TMEM192: variants seen among roughly 807,000 people sequenced by gnomAD.
TMEM192 encodes the protein transmembrane protein 192.
In TMEM192, 20 loss-of-function variants were observed where a neutral mutation model predicts 26.7. That is an observed-to-expected ratio of 0.75 (90% CI 0.53 to 1.09). The LOEUF (loss-of-function observed/expected upper bound fraction) is 1.09, where lower values mean the gene tolerates loss of function less well. Among genes scored for constraint, TMEM192 ranks in the 50% least tolerant of loss-of-function variants. The pLI is 0.00. For missense variants in TMEM192, 304 were observed against 322.6 expected (o/e 0.94, Z 0.44); for synonymous variants, 124 against 121.0 (o/e 1.02, Z -0.16).
Position 165,070,610 on chromosome 4 carries a change from G to T in TMEM192, c.*9048C>A, listed in dbSNP as rs1734257447. The stretch of plus-strand genomic sequence containing the variant: ...TAAATAGCAGTGATTATAAAAACTA[G>T]CAGTCTTATCTCTTTTATTTCTGAT... On this transcript the variant is annotated 3_prime_UTR_variant, in exon 6 of 6. Transcript: ENST00000306480. The T allele has an allele frequency of 6.6e-6, 1 of 152,090 alleles. No individual in the cohort carries two copies. 9.4% of individuals were successfully genotyped at this position (152,090 alleles called of 1,614,324 possible).
rs186180655 is a variant in TMEM192 at position 165,074,708 on chromosome 4, G to C, written c.*4950C>G. 1.0e-3 allele frequency: 159 copies of C among 152,164 alleles called. No homozygotes were observed. The highest frequency in any genetic ancestry group is 3.6e-3 in the African/African-American group (149 of 41,476). 9.4% of individuals were successfully genotyped at this position (152,164 alleles called of 1,614,324 possible). A position where few individuals can be genotyped will look rare whatever the true frequency, so the allele number is the denominator to read the frequency against. On this transcript the variant is annotated 3_prime_UTR_variant, in exon 6 of 6. Coordinates refer to ENST00000306480, the MANE Select transcript of TMEM192 (RefSeq NM_001100389.2). Reference sequence around the variant, plus strand: ...TCCGCCTGCCTCGGCCTCCCAAAGTGCTGGAATTACCGGTGTGAGCCACTG... The same window carrying C: ...TCCGCCTGCCTCGGCCTCCCAAAGTCCTGGAATTACCGGTGTGAGCCACTG...
intron 2 of TMEM192, 102 bp from the exon 3 acceptor site, chr4:165,100,994 T>C: frequency 9.5e-7 from 1 of 1,049,706 alleles, no homozygotes; most frequent in Non-Finnish European, 1.3e-6. Flanking sequence ...TTTTTTTTTC[T>C]GAGACAGAGT....
At chr4:165,105,449 A>G (rs960417206) in intron 1 of TMEM192, among the ~76,000 whole-genome samples, 11 of 152,132 alleles carry the variant, frequency 7.2e-5, no homozygotes, top group African/African-American at 2.7e-4. Flanking sequence ...ACCGCTTTCT[A>G]GCTGAGAGCA....
At chr4:165,080,533 T>G (rs1734496620) in intron 5 of TMEM192, among the ~76,000 whole-genome samples, 1 of 152,144 alleles carries the variant, frequency 6.6e-6, no homozygotes, top group Non-Finnish European at 1.5e-5. Context: ...TTGGATGTGT[T>G]TTACTCAGAT....
intron 4 of TMEM192, among the ~76,000 whole-genome samples, chr4:165,087,231 C>A (rs1734641686): frequency 6.6e-6 from 1 of 152,038 alleles, no homozygotes; most frequent in African/African-American, 2.4e-5. Flanking sequence ...TAAGTATAAA[C>A]AAGATCATGT....
chr4:165,110,846 G>A (rs930822148), intron 1 of TMEM192, among the ~76,000 whole-genome samples: 1 of 152,144 alleles, frequency 6.6e-6, no homozygotes. Flanking sequence ...ATAGCCTTTC[G>A]AATACATCCT....
At chr4:165,100,575 C>G in intron 3 of TMEM192, 53 bp downstream of exon 3, 1 of 1,555,550 alleles carries the variant, frequency 6.4e-7, no homozygotes, top group Non-Finnish European at 8.7e-7. Context: ...ATTCTTTCTG[C>G]TGTCATTTTT....
At chr4:165,107,670 C>T (rs941121545) in intron 1 of TMEM192, among the ~76,000 whole-genome samples, 4 of 152,130 alleles carry the variant, frequency 2.6e-5, no homozygotes, top group Non-Finnish European at 4.4e-5. Context: ...CCATTTCCCT[C>T]CCTCCTGGTG....
rs1579198079 is a variant in TMEM192, at chr4:165,074,279, A to G, written c.*5379T>C. ...GGTGAGACTGGATAGAGAGGAAGGG[A>G]GAAGAATTAGAGATAGGCTTCCCTG... On this transcript the variant is annotated 3_prime_UTR_variant, in exon 6 of 6. Transcript: ENST00000306480. The G allele has an allele frequency of 6.6e-6, 1 of 152,164 alleles. No individual in the cohort carries two copies. Among genetic ancestry groups the G allele is most frequent in the African/African-American group, 2.4e-5 (1 of 41,428 alleles). The allele number at this position is 152,164 out of a possible 1,614,324, so 9.4% of individuals were successfully genotyped here.
chr4:165,107,982 G>C (rs576497956), intron 1 of TMEM192, among the ~76,000 whole-genome samples: 2 of 152,068 alleles, frequency 1.3e-5, no homozygotes, highest in Admixed American at 6.6e-5. Context: ...CCTATGTCAT[G>C]TCTGAATCAG....
At position 165,071,732 on chromosome 4, in the gene TMEM192, C is replaced by T. The variant is rs1734275522; in HGVS notation, c.*7926G>A. 1 of 151,786 alleles carries T rather than the reference C, an allele frequency of 6.6e-6. No homozygotes were observed. The highest frequency in any genetic ancestry group is 1.9e-4 in the East Asian group (1 of 5,190). 9.4% of individuals were successfully genotyped at this position (151,786 alleles called of 1,614,324 possible). A position where few individuals can be genotyped will look rare whatever the true frequency, so the allele number is the denominator to read the frequency against. On this transcript the variant is annotated 3_prime_UTR_variant, in exon 6 of 6. Coordinates refer to ENST00000306480, the MANE Select transcript of TMEM192 (RefSeq NM_001100389.2). ...GCCACAGTGTGACCGACGCAGGGTA[C>T]ACAAAGGAAGAGTAGGAGAGAGGAG... is the stretch of plus-strand genomic sequence containing the variant.
At chr4:165,094,578 A>G (rs557503399) in intron 3 of TMEM192, among the ~76,000 whole-genome samples, 17 of 150,996 alleles carry the variant, frequency 1.1e-4, no homozygotes, top group Admixed American at 5.3e-4. Flanking sequence ...AATCGCTTGA[A>G]CCCGGGAGGC....
At position 165,089,669 on chromosome 4, in the gene TMEM192, T is replaced by A. The variant is rs530819821; in HGVS notation, c.440-1067A>T. Reference sequence around the variant, plus strand: ...TATGGCCTGCTTTGGGAGAGAGGAGTCTAGTTTCTATGGCCTGCCTTTGGG... The same window carrying A: ...TATGGCCTGCTTTGGGAGAGAGGAGACTAGTTTCTATGGCCTGCCTTTGGG... On this transcript the variant is annotated intron_variant, in intron 3 of 5. Transcript: ENST00000306480. Among the ~76,000 whole-genome samples the A allele has an allele frequency of 4.6e-5, 7 of 151,576 alleles. No homozygotes were observed. The South Asian group carries it at 1.2e-3, about 27-fold the overall frequency.
chr4:165,112,755 T>C lies in TMEM192; in HGVS notation c.19A>G (p.Met7Val). ...CGCCTCCGTGCACTCACGTCCTCCATCCTGCCCCCCGCCGCCATTTCCCGA... is the reference window on the plus strand; with the variant it reads ...CGCCTCCGTGCACTCACGTCCTCCACCCTGCCCCCCGCCGCCATTTCCCGA... MAAGGR[M>V]EDGSLDITQS... The change falls in exon 1 of 6, where the codon ATG becomes GTG. Residue 7 changes from methionine (M) to valine (V), a missense_variant. Transcript: ENST00000306480. 6.2e-7 allele frequency: 1 copy of C among 1,608,406 alleles called. No individual in the cohort carries two copies. Among genetic ancestry groups the C allele is most frequent in the South Asian group, 1.1e-5 (1 of 90,972 alleles).
At chr4:165,092,049 C>T (rs1734777545) in intron 3 of TMEM192, among the ~76,000 whole-genome samples, 1 of 151,772 alleles carries the variant, frequency 6.6e-6, no homozygotes, top group Non-Finnish European at 1.5e-5. Context: ...TCTTCCATGT[C>T]CCCATCTAAA....
Position 165,077,298 on chromosome 4 carries a change from A to G in TMEM192, c.*2360T>C, listed in dbSNP as rs996493579. 1 of 152,242 alleles carries G rather than the reference A, an allele frequency of 6.6e-6. No individual in the cohort carries two copies. Among genetic ancestry groups the G allele is most frequent in the African/African-American group, 2.4e-5 (1 of 41,464 alleles). The allele number at this position is 152,242 out of a possible 1,614,324, so 9.4% of individuals were successfully genotyped here. A position where few individuals can be genotyped will look rare whatever the true frequency, so the allele number is the denominator to read the frequency against. On this transcript the variant is annotated 3_prime_UTR_variant, in exon 6 of 6. Transcript: ENST00000306480. The stretch of plus-strand genomic sequence containing the variant: ...AATCTCAGATACTGACTATAGATCC[A>G]AATTAAATTTTAAAAATAAATAAGA...
chr4:165,104,327 T>A (rs769328795), intron 1 of TMEM192, among the ~76,000 whole-genome samples: 38 of 152,124 alleles, frequency 2.5e-4, no homozygotes, highest in Non-Finnish European at 4.7e-4. Flanking sequence ...AATGAAGGAT[T>A]CATGAATAGG....
intron 3 of TMEM192, among the ~76,000 whole-genome samples, chr4:165,091,790 C>T (rs911266023): frequency 6.6e-6 from 1 of 152,132 alleles, no homozygotes; most frequent in Non-Finnish European, 1.5e-5. Context: ...GAATTATTGA[C>T]AATTACTTCC....
chr4:165,079,772 A>G lies in TMEM192; in HGVS notation c.702T>C (p.Ile234=), dbSNP rs1348846506. 2 of 1,613,708 alleles carry G rather than the reference A, an allele frequency of 1.2e-6. No individual in the cohort carries two copies. The highest frequency in any genetic ancestry group is 1.7e-6 in the Non-Finnish European group (2 of 1,179,912). The change falls in exon 6 of 6, where the codon ATT becomes ATC. Residue 234 remains isoleucine, a synonymous_variant. Coordinates refer to ENST00000306480, the MANE Select transcript of TMEM192 (RefSeq NM_001100389.2). The part of the protein sequence containing the change: ...GFRTISSLEE[I]VEKQGDTIEY... ...CAATGGTGTCTCCTTGCTTTTCAAC[A>G]ATTTCTTCTAGGCTTGAAATAGTTC... is the stretch of plus-strand genomic sequence containing the variant.
Sources: gnomAD v4.1 joint callset for allele counts (sites outside exome capture counted in the v4.1 genomes callset) on GRCh38, gnomAD v4.1.1 for gene constraint, MANE v1.5 for transcripts, NCBI Gene and HGNC (gene_info 2026-07-23, HGNC 2026-07-21) for gene names.